SLC22A2: variants seen among roughly 807,000 people sequenced by gnomAD.
SLC22A2 encodes the protein solute carrier family 22 member 2.
A neutral mutation model predicts 60.5 loss-of-function variants in SLC22A2; 46 were observed. That is an observed-to-expected ratio of 0.76 (90% confidence interval 0.60 to 0.97). The LOEUF is 0.97. SLC22A2 is among the 50% of genes least tolerant of loss of function. The pLI, the probability that SLC22A2 is intolerant of heterozygous loss-of-function variation, is 0.00. For synonymous variants in SLC22A2, 303 were observed against 267.0 expected (o/e 1.13, Z -1.31); for missense variants, 701 against 706.6 (o/e 0.99, Z 0.09).
intron 1 of SLC22A2, 117 bp downstream of exon 1, chr6:160,258,227 T>C: frequency 8.5e-7 from 1 of 1,179,270 alleles, no homozygotes; most frequent in Non-Finnish European, 1.2e-6. Flanking sequence ...GTAAGATACA[T>C]GCAGGCCAAA....
chr6:160,254,484 A>G (rs1218747214), intron 2 of SLC22A2, among the ~76,000 whole-genome samples: 1 of 152,170 alleles, frequency 6.6e-6, no homozygotes, highest in Non-Finnish European at 1.5e-5. Flanking sequence ...AAAATTATTC[A>G]TGGAAGACAA....
At chr6:160,230,594 G>A (rs1488263104) in intron 9 of SLC22A2, among the ~76,000 whole-genome samples, 1 of 151,976 alleles carries the variant, frequency 6.6e-6, no homozygotes, top group African/African-American at 2.4e-5. Context: ...TGCCTTCAAG[G>A]TGTACAATAA....
intron 3 of SLC22A2, 33 bp downstream of exon 3, chr6:160,250,507 GGTTGCTTT>G: frequency 6.2e-7 from 1 of 1,609,224 alleles, no homozygotes; most frequent in Non-Finnish European, 8.5e-7. Flanking sequence ...TTGGCAGCGA[GGTTGCTTT>G]GTTCTCACAG....
chr6:160,245,580 T>C, intron 5 of SLC22A2, 35 bp from the exon 6 acceptor site: 1 of 1,373,918 alleles, frequency 7.3e-7, no homozygotes, highest in Non-Finnish European at 1.0e-6. Flanking sequence ...GCTTTGTATA[T>C]TTAATGCTAG....
intron 7 of SLC22A2, among the ~76,000 whole-genome samples, chr6:160,243,211 G>A (rs1339170527): frequency 3.3e-5 from 5 of 152,070 alleles, no homozygotes; most frequent in African/African-American, 1.2e-4. Context: ...TATTCTGCAG[G>A]TTGATGCAGG....
chr6:160,256,546 C>A, intron 2 of SLC22A2, 68 bp downstream of exon 2: 1 of 995,076 alleles, frequency 1.0e-6, no homozygotes, highest in South Asian at 1.3e-5. Flanking sequence ...CAAGCAGGGG[C>A]AGGTGCATCC....
At position 160,258,727 on chromosome 6, in the gene SLC22A2, G is replaced by A; in HGVS notation, c.31C>T (p.His11Tyr). The A allele has an allele frequency of 1.3e-6, 2 of 1,578,898 alleles. No homozygotes were observed. The highest frequency in any genetic ancestry group is 1.7e-6 in the Non-Finnish European group (2 of 1,160,706). MPTTVDDVLE[H>Y]GGEFHFFQKQ... ...TGGAAAAAGTGAAACTCCCCTCCAT[G>A]CTCCAGGACATCGTCCACGGTGGTG... The change falls in exon 1 of 11, where the codon CAT becomes TAT. Residue 11 changes from histidine to tyrosine, a missense_variant. By Grantham distance (83) the His-to-Tyr change is moderately conservative. Coordinates refer to ENST00000366953, the MANE Select transcript of SLC22A2 (RefSeq NM_003058.4).
At chr6:160,243,489 ACATGGTTTT>A in intron 7 of SLC22A2, 74 bp downstream of exon 7, 1 of 1,034,010 alleles carries the variant, frequency 9.7e-7, no homozygotes, top group South Asian at 1.4e-5. Context: ...ATGACAAATT[ACATGGTTTT>A]CCTATCAATG....
In SLC22A2 at chr6:160,233,518, A is replaced by C. The variant is rs557267794; in HGVS notation, c.1501+7956T>G. On this transcript the variant is annotated intron_variant, in intron 9 of 10. Coordinates refer to ENST00000366953, the MANE Select transcript of SLC22A2 (RefSeq NM_003058.4). ...AAGGACTCTGTCAAGAATAGAGCCC[A>C]AAAACTCACCAACCAAACAAGTAAT... Among the ~76,000 whole-genome samples, 70 of 152,070 alleles carry C rather than the reference A, an allele frequency of 4.6e-4. 2 individuals carry two copies. Among genetic ancestry groups the C allele is most frequent in the African/African-American group, 1.6e-3 (66 of 41,348 alleles).
chr6:160,241,163 C>T (rs1201249231), intron 9 of SLC22A2, among the ~76,000 whole-genome samples: 1 of 152,160 alleles, frequency 6.6e-6, no homozygotes, highest in Non-Finnish European at 1.5e-5. Context: ...TGCTGGGAAA[C>T]TTTCTTCCTT....
At chr6:160,225,776 C>T (rs1782712406) in intron 9 of SLC22A2, among the ~76,000 whole-genome samples, 1 of 152,218 alleles carries the variant, frequency 6.6e-6, no homozygotes, top group South Asian at 2.1e-4. Context: ...CTATAGCCTA[C>T]TCTTGTGCCA....
In SLC22A2 at chr6:160,258,745, C is replaced by T. The variant is rs767239723; in HGVS notation, c.13G>A (p.Val5Met). The change falls in exon 1 of 11, where the codon GTG becomes ATG. Residue 5 changes from valine to methionine, a missense_variant. Coordinates refer to ENST00000366953, the MANE Select transcript of SLC22A2 (RefSeq NM_003058.4). MPTT[V>M]DDVLEHGGEF... ...CCTCCATGCTCCAGGACATCGTCCA[C>T]GGTGGTGGGCATGATCCTGCAGGCA... 26 of 1,555,890 alleles carry T rather than the reference C, an allele frequency of 1.7e-5. No individual in the cohort carries two copies. Among genetic ancestry groups the T allele is most frequent in the Non-Finnish European group, 2.1e-5 (24 of 1,148,778 alleles).
At chr6:160,220,726 C>T (rs1384358465) in intron 10 of SLC22A2, among the ~76,000 whole-genome samples, 2 of 152,162 alleles carry the variant, frequency 1.3e-5, no homozygotes, top group Non-Finnish European at 2.9e-5. Context: ...TTAGGTACAT[C>T]TCCATCAGAG....
intron 9 of SLC22A2, among the ~76,000 whole-genome samples, chr6:160,226,963 G>A (rs1463770199): frequency 6.6e-6 from 1 of 152,056 alleles, no homozygotes; most frequent in African/African-American, 2.4e-5. Flanking sequence ...CAGACTCTTT[G>A]TAGCAATAAG....
At chr6:160,256,811 T>A in intron 1 of SLC22A2, 94 bp from the exon 2 acceptor site, 2 of 809,596 alleles carry the variant, frequency 2.5e-6, no homozygotes, top group Non-Finnish European at 4.3e-6. Flanking sequence ...GGGTACTCAT[T>A]AAATATTCCT....
chr6:160,217,616 TA>T (rs1237167891), intron 10 of SLC22A2, 118 bp from the exon 11 acceptor site: 2 of 642,312 alleles, frequency 3.1e-6, no homozygotes, highest in African/African-American at 3.6e-5. Flanking sequence ...TGTTCAGGAT[TA>T]GTCTTGCAAT....
intron 5 of SLC22A2, among the ~76,000 whole-genome samples, chr6:160,246,117 C>T (rs887798780): frequency 6.6e-5 from 10 of 151,936 alleles, no homozygotes; most frequent in South Asian, 4.2e-4. Flanking sequence ...CTGCCCGCCT[C>T]GGCTTCCCAA....
chr6:160,242,317 A>G lies in SLC22A2; in HGVS notation c.1365T>C (p.Ala455=), dbSNP rs774568566. ...ACCTAATGAATGTGGGGTACAGCTCAGCATTGACCAGGCAGACTATCTCAT... is the reference window on the plus strand; with the variant it reads ...ACCTAATGAATGTGGGGTACAGCTCGGCATTGACCAGGCAGACTATCTCAT... ...MAYEIVCLVN[A]ELYPTFIRNL... Residue 455 remains alanine (A), a synonymous_variant, in exon 8 of 11, where the codon GCT becomes GCC. Transcript: ENST00000366953. The G allele has an allele frequency of 6.3e-7, 1 of 1,598,200 alleles. No homozygotes were observed. Among genetic ancestry groups the G allele is most frequent in the Non-Finnish European group, 8.6e-7 (1 of 1,165,414 alleles).
In SLC22A2 at chr6:160,250,579, G is replaced by C. The variant is rs1354939679; in HGVS notation, c.642C>G (p.Ser214Arg). The change falls in exon 3 of 11, where the codon AGC becomes AGG. Residue 214 changes from serine to arginine, a missense_variant. By Grantham distance (110) the Ser-to-Arg change is moderately radical (BLOSUM62 -1). Transcript: ENST00000366953. ...TGTAGCCTATTAACCAGCCTGCTTT[G>C]CTGACCAGTCCTTGGATTAAGCGAA... ...LIFRLIQGLV[S>R]KAGWLIGYIL... 4 of 1,614,030 alleles carry C rather than the reference G, an allele frequency of 2.5e-6. No homozygotes were observed. In the East Asian group the frequency reaches 8.9e-5, roughly 36 times the overall value.
Sources: gnomAD v4.1 joint callset for allele counts (sites outside exome capture counted in the v4.1 genomes callset) on GRCh38, gnomAD v4.1.1 for gene constraint, MANE v1.5 for transcripts, NCBI Gene and HGNC (gene_info 2026-07-23, HGNC 2026-07-21) for gene names.